Variants in USP6NL observed in about 807,000 individuals in gnomAD.
USP6NL encodes the protein USP6 N-terminal-like protein.
In USP6NL, 26 loss-of-function variants were observed where a neutral mutation model predicts 61.9. The observed-to-expected ratio is 0.42, with a 90% CI of 0.31 to 0.58. The LOEUF is 0.58. USP6NL is among the 20% of genes least tolerant of loss of function. USP6NL has a pLI of 0.16. For synonymous variants in USP6NL, 432 were observed against 390.1 expected, an observed-to-expected ratio of 1.11 and a Z score of -1.27; for missense variants, 1,114 against 1,034.3, an observed-to-expected ratio of 1.08 and a Z score of -1.06.
Position 11,462,740 on chromosome 10 carries a change from A to C in USP6NL, c.2188T>G (p.Leu730Val). 6.2e-7 allele frequency: 1 copy of C among 1,614,044 alleles called. No individual in the cohort carries two copies. Among genetic ancestry groups the C allele is most frequent in the Non-Finnish European group, 8.5e-7 (1 of 1,179,902 alleles). ...GKLIIPPVDY[L>V]PDNRTWSEVS... Reference sequence around the variant, plus strand: ...TCTGACCATGTTCTGTTATCTGGCAAGTAATCCACTGGTGGAATGATCAAT... The same window carrying C: ...TCTGACCATGTTCTGTTATCTGGCACGTAATCCACTGGTGGAATGATCAAT... Residue 730 changes from leucine (L) to valine (V), a missense_variant, in exon 15 of 15, where the codon TTG becomes GTG. Coordinates refer to ENST00000609104, the MANE Select transcript of USP6NL (RefSeq NM_014688.5).
At chr10:11,521,573 GGT>G (rs1184984940) in intron 4 of USP6NL, among the ~76,000 whole-genome samples, 5 of 151,830 alleles carry the variant, frequency 3.3e-5, no homozygotes, top group Non-Finnish European at 5.9e-5. Context: ...GTAGAGATGG[GGT>G]TTCACCATGT....
At chr10:11,560,025 T>C (rs996119688) in intron 2 of USP6NL, among the ~76,000 whole-genome samples, 1 of 152,174 alleles carries the variant, frequency 6.6e-6, no homozygotes, top group Non-Finnish European at 1.5e-5. Flanking sequence ...AAGATTTTTT[T>C]AAAAAATCTT....
At chr10:11,571,556 A>C (rs1350930526) in intron 2 of USP6NL, among the ~76,000 whole-genome samples, 1 of 152,086 alleles carries the variant, frequency 6.6e-6, no homozygotes. Flanking sequence ...AATTTTTCAT[A>C]CTATTTATAA....
Position 11,595,444 on chromosome 10 carries a change from TCTA to T in USP6NL, c.4+2184_4+2186del, listed in dbSNP as rs1040774529. ...ATTATGAAACTAGATTGAAAATGCTTCTACTAACTGTGCTGAGGCTACAGCTTA... is the reference window on the plus strand; with the variant it reads ...ATTATGAAACTAGATTGAAAATGCTTCTAACTGTGCTGAGGCTACAGCTTA... On this transcript the variant is annotated intron_variant, in intron 2 of 14. Transcript: ENST00000609104. The surrounding 1 kb of genome is among the most constrained non-coding windows in gnomAD (Gnocchi z 5.3). 3.3e-5 allele frequency among the ~76,000 whole-genome samples: 5 copies of T among 152,136 alleles called. No individual in the cohort carries two copies. The highest frequency in any genetic ancestry group is 1.2e-4 in the African/African-American group (5 of 41,410).
intron 2 of USP6NL, chr10:11,563,091 T>C (rs1837001057): frequency 6.6e-6 from 1 of 152,186 alleles, no homozygotes; most frequent in African/African-American, 2.4e-5. Context: ...ACATCCATAC[T>C]GTGGAATACT....
chr10:11,599,053 T>A (rs1838422092), intron 1 of USP6NL, among the ~76,000 whole-genome samples: 1 of 152,214 alleles, frequency 6.6e-6, no homozygotes, highest in African/African-American at 2.4e-5. Flanking sequence ...CTAAAACATA[T>A]AACCCACATG....
At position 11,518,401 on chromosome 10, in the gene USP6NL, T is replaced by A. The variant is rs1591877319; in HGVS notation, c.195+134A>T. ...TAACTATTATCTTACAGTGGCATAATGAGGTCCAAAATCTAACAATGACTG... is the reference window on the plus strand; with the variant it reads ...TAACTATTATCTTACAGTGGCATAAAGAGGTCCAAAATCTAACAATGACTG... On this transcript the variant is annotated intron_variant, in intron 5 of 14. Transcript: ENST00000609104. This position sits in a 1 kb window ranked among gnomAD's most constrained non-coding sequence, Gnocchi z 5.3. 7.7e-6 allele frequency: 6 copies of A among 779,206 alleles called. No homozygotes were observed. In the South Asian group the frequency reaches 9.3e-5, roughly 12 times the overall value. The allele number at this position is 779,206 out of a possible 1,614,324, so 48.3% of individuals were successfully genotyped here.
At chr10:11,588,981 A>G (rs1380090225) in intron 2 of USP6NL, among the ~76,000 whole-genome samples, 1 of 152,178 alleles carries the variant, frequency 6.6e-6, no homozygotes, top group East Asian at 1.9e-4. Context: ...GTTTCCATAC[A>G]AGGTCTCACT....
intron 2 of USP6NL, among the ~76,000 whole-genome samples, chr10:11,542,934 C>G (rs1836125582): frequency 6.6e-6 from 1 of 152,104 alleles, no homozygotes; most frequent in African/African-American, 2.4e-5. Flanking sequence ...ATACTCACCC[C>G]TCACAACTGG....
intron 1 of USP6NL, among the ~76,000 whole-genome samples, chr10:11,608,620 G>A (rs192055005): frequency 3.9e-5 from 6 of 152,218 alleles, no homozygotes; most frequent in Non-Finnish European, 7.4e-5. Context: ...TCAAAACCAA[G>A]TTAGGTTCCC....
At chr10:11,573,909 T>C (rs1366015878) in intron 2 of USP6NL, 3 of 367,408 alleles carry the variant, frequency 8.2e-6, no homozygotes, top group East Asian at 7.9e-5. Flanking sequence ...TTTCAGCACG[T>C]GTGAAAGCCC....
intron 13 of USP6NL, 28 bp downstream of exon 13, chr10:11,484,943 A>G: frequency 4.7e-6 from 7 of 1,481,640 alleles, no homozygotes; most frequent in Non-Finnish European, 6.3e-6. Context: ...TTTTTAATGA[A>G]ATTTTAAGAG....
chr10:11,556,962 C>G (rs539998395), intron 2 of USP6NL, among the ~76,000 whole-genome samples: 2 of 152,026 alleles, frequency 1.3e-5, no homozygotes, highest in Non-Finnish European at 2.9e-5. Context: ...ATTCCTTGCA[C>G]GCACAGATGA....
chr10:11,476,645 G>GCAAA lies in USP6NL; in HGVS notation c.1078+5124_1078+5125insTTTG, dbSNP rs1832977611. Reference sequence around the variant, plus strand: ...AGTTTTCATAAGTAAAATAAAAGATGCCAAACCCACACACAAAAACCCCCA... The same window carrying GCAAA: ...AGTTTTCATAAGTAAAATAAAAGATGCAAACCAAACCCACACACAAAAACCCCCA... On this transcript the variant is annotated intron_variant, in intron 14 of 14. Transcript: ENST00000609104. This position sits in a 1 kb window ranked among gnomAD's most constrained non-coding sequence, Gnocchi z 4.3. Among the ~76,000 whole-genome samples the GCAAA allele has an allele frequency of 6.6e-6, 1 of 151,940 alleles. No homozygotes were observed. Among genetic ancestry groups the GCAAA allele is most frequent in the Non-Finnish European group, 1.5e-5 (1 of 67,986 alleles).
rs1384607584 is a variant in USP6NL, at chr10:11,595,501, A to G, written c.4+2130T>C. Among the ~76,000 whole-genome samples the G allele has an allele frequency of 6.6e-6, 1 of 152,156 alleles. No individual in the cohort carries two copies. Among genetic ancestry groups the G allele is most frequent in the Non-Finnish European group, 1.5e-5 (1 of 68,022 alleles). On this transcript the variant is annotated intron_variant, in intron 2 of 14. Coordinates refer to ENST00000609104, the MANE Select transcript of USP6NL (RefSeq NM_014688.5). The surrounding 1 kb of genome is among the most constrained non-coding windows in gnomAD (Gnocchi z 5.3). ...GAGGTTGCTGACCTAATGCCAGCTG[A>G]CTCAGTGACTGAATCTGTGATGTTC...
At position 11,482,681 on chromosome 10, in the gene USP6NL, CT is replaced by C. The variant is rs1423976343; in HGVS notation, c.926-760del. ...AAGCATTGTAATTTACTTAAACAGT[CT>C]TCTATTAATGGTCATTTAGGTGGTT... is the stretch of plus-strand genomic sequence containing the variant. On this transcript the variant is annotated intron_variant, in intron 13 of 14. Transcript: ENST00000609104. This position sits in a 1 kb window ranked among gnomAD's most constrained non-coding sequence, Gnocchi z 4.0. 8.6e-5 allele frequency among the ~76,000 whole-genome samples: 13 copies of C among 151,976 alleles called. No homozygotes were observed. The highest frequency in any genetic ancestry group is 3.1e-4 in the African/African-American group (13 of 41,366).
At chr10:11,573,116 A>T (rs567234769) in intron 2 of USP6NL, among the ~76,000 whole-genome samples, 1 of 152,320 alleles carries the variant, frequency 6.6e-6, no homozygotes, top group South Asian at 2.1e-4. Flanking sequence ...AATAAAATCT[A>T]CTATTCATTG....
chr10:11,605,647 G>C (rs555392672), intron 1 of USP6NL, among the ~76,000 whole-genome samples: 25 of 152,200 alleles, frequency 1.6e-4, no homozygotes, highest in African/African-American at 5.8e-4. Context: ...CTAGAAACTA[G>C]AAAAGTGGCA....
At chr10:11,572,717 TAA>T (rs540148780) in intron 2 of USP6NL, among the ~76,000 whole-genome samples, 110 of 152,204 alleles carry the variant, frequency 7.2e-4, no homozygotes, top group African/African-American at 2.5e-3. Context: ...TCAAATCATA[TAA>T]AGATAGAATG....
Sources: gnomAD v4.1 joint callset for allele counts (sites outside exome capture counted in the v4.1 genomes callset) on GRCh38, gnomAD v4.1.1 for gene constraint, Gnocchi (gnomAD v3.1) non-coding constraint, MANE v1.5 for transcripts, NCBI Gene and HGNC (gene_info 2026-07-23, HGNC 2026-07-21) for gene names.